Variants in GTPBP4 observed in about 807,000 individuals in gnomAD.
GTPBP4 encodes the protein GTP binding protein 4, also known as GTP-binding protein 4.
Under a neutral mutation model 81.7 loss-of-function variants are expected in GTPBP4, and 15 were observed. The observed-to-expected ratio is 0.18, with a 90% CI of 0.12 to 0.28. GTPBP4 has a LOEUF of 0.28. GTPBP4 is among the 10% of genes least tolerant of loss of function. The pLI, the probability that GTPBP4 is intolerant of heterozygous loss-of-function variation, is 1.00. For synonymous variants in GTPBP4, 272 were observed against 274.6 expected (o/e 0.99, Z 0.09); for missense variants, 847 against 793.8 (o/e 1.07, Z -0.81).
At chr10:1,016,125 G>A (rs1490616823) in intron 16 of GTPBP4, among the ~76,000 whole-genome samples, 5 of 152,200 alleles carry the variant, frequency 3.3e-5, no homozygotes, top group Non-Finnish European at 5.9e-5. Flanking sequence ...TTGCTTTTGC[G>A]GAGGGTGGCC....
At chr10:998,856 G>T (rs1831577608) in intron 5 of GTPBP4, 147 bp from the exon 6 acceptor site, 1 of 600,422 alleles carries the variant, frequency 1.7e-6, no homozygotes. Context: ...CAAAGGGAGA[G>T]GTACCAGGCT....
intron 15 of GTPBP4, among the ~76,000 whole-genome samples, chr10:1,015,047 G>GGA (rs1452997287): frequency 1.3e-5 from 2 of 152,218 alleles, no homozygotes; most frequent in Non-Finnish European, 2.9e-5. Flanking sequence ...GGGCAGTGAG[G>GGA]GAGAGAGCAT....
intron 13 of GTPBP4, 151 bp downstream of exon 13, chr10:1,010,671 C>G (rs1021245990): frequency 1.9e-5 from 13 of 673,310 alleles, no homozygotes; most frequent in South Asian, 3.2e-5. Flanking sequence ...ACTTCCCCAC[C>G]CTGAGACTCT....
At chr10:992,385 G>A (rs1293337954) in intron 1 of GTPBP4, 104 bp from the exon 2 acceptor site, 5 of 695,438 alleles carry the variant, frequency 7.2e-6, no homozygotes, top group Non-Finnish European at 1.2e-5. Context: ...GGGCGACAGA[G>A]CGAGACTCTG....
intron 8 of GTPBP4, among the ~76,000 whole-genome samples, chr10:1,002,085 A>T (rs1831644828): frequency 6.6e-6 from 1 of 151,878 alleles, no homozygotes; most frequent in Non-Finnish European, 1.5e-5. Flanking sequence ...CACCACACCG[A>T]GCTAATTTTT....
Position 1,019,897 on chromosome 10 carries a change from AT to A in GTPBP4, c.*2671del. 3.4e-6 allele frequency: 4 copies of A among 1,176,144 alleles called. No individual in the cohort carries two copies. Among genetic ancestry groups the A allele is most frequent in the African/African-American group, 1.5e-5 (1 of 65,104 alleles). The allele number at this position is 1,176,144 out of a possible 1,614,324, so 72.9% of individuals were successfully genotyped here. ...TGTAAAACACAGAATTTACAGAAAA[AT>A]AGAGAAAATAAACACATTTGTTTTC... is the stretch of plus-strand genomic sequence containing the variant. On this transcript the variant is annotated 3_prime_UTR_variant, in exon 17 of 17. Coordinates refer to ENST00000360803, the MANE Select transcript of GTPBP4 (RefSeq NM_012341.3).
Position 1,019,913 on chromosome 10 carries a change from C to A in GTPBP4, c.*2686C>A. 4 of 1,052,874 alleles carry A rather than the reference C, an allele frequency of 3.8e-6. No homozygotes were observed. Among genetic ancestry groups the A allele is most frequent in the Non-Finnish European group, 4.3e-6 (3 of 704,488 alleles). The allele number at this position is 1,052,874 out of a possible 1,614,324, so 65.2% of individuals were successfully genotyped here. ...TACAGAAAAATAGAGAAAATAAACA[C>A]ATTTGTTTTCCTCAGAAAATGAACA... On this transcript the variant is annotated 3_prime_UTR_variant, in exon 17 of 17. Coordinates refer to ENST00000360803, the MANE Select transcript of GTPBP4 (RefSeq NM_012341.3).
chr10:991,789 G>C lies in GTPBP4; in HGVS notation c.49-700G>C, dbSNP rs530296749. Among the ~76,000 whole-genome samples, 72 of 145,122 alleles carry C rather than the reference G, an allele frequency of 5.0e-4. No homozygotes were observed. The South Asian group carries it at 0.016, about 31-fold the overall frequency. On this transcript the variant is annotated intron_variant, in intron 1 of 16. Coordinates refer to ENST00000360803, the MANE Select transcript of GTPBP4 (RefSeq NM_012341.3). ...CGGCTCACTGCAAGCTCCGCCTCCC[G>C]GGTTCACGCCATTCTCCTGCCTCAG...
intron 11 of GTPBP4, 56 bp from the exon 12 acceptor site, chr10:1,009,473 A>G: frequency 8.8e-7 from 1 of 1,132,754 alleles, no homozygotes; most frequent in South Asian, 1.2e-5. Context: ...GGGGCAGAGC[A>G]TTTCTGGATC....
At chr10:1,005,123 C>T (rs1357427904) in intron 8 of GTPBP4, among the ~76,000 whole-genome samples, 3 of 151,994 alleles carry the variant, frequency 2.0e-5, no homozygotes, top group Non-Finnish European at 2.9e-5. Context: ...GCTGGCGGCC[C>T]AGTGTGTTTT....
At chr10:1,000,470 C>T (rs1276926520) in intron 6 of GTPBP4, among the ~76,000 whole-genome samples, 1 of 151,638 alleles carries the variant, frequency 6.6e-6, no homozygotes, top group Non-Finnish European at 1.5e-5. Context: ...ATCTCCTGAC[C>T]TCGTGATCCA....
rs1419260167 is a variant in GTPBP4, at chr10:1,019,735, T to C, written c.*2508T>C. ...TCCGGGTTCAGAGTGACGTTTTTCC[T>C]CACAAGCAGAAGGTAACAAATTTCA... On this transcript the variant is annotated 3_prime_UTR_variant, in exon 17 of 17. Coordinates refer to ENST00000360803, the MANE Select transcript of GTPBP4 (RefSeq NM_012341.3). 1 of 1,613,872 alleles carries C rather than the reference T, an allele frequency of 6.2e-7. No individual in the cohort carries two copies. Among genetic ancestry groups the C allele is most frequent in the Non-Finnish European group, 8.5e-7 (1 of 1,180,030 alleles).
intron 16 of GTPBP4, 103 bp downstream of exon 16, chr10:1,015,999 C>T (rs1831985885): frequency 9.3e-7 from 1 of 1,077,796 alleles, no homozygotes. Context: ...GGAACTATGG[C>T]AGGGGTTGTG....
At chr10:989,270 A>G (rs1189264957) in intron 1 of GTPBP4, among the ~76,000 whole-genome samples, 1 of 151,826 alleles carries the variant, frequency 6.6e-6, no homozygotes, top group African/African-American at 2.4e-5. Flanking sequence ...GTGCACCACC[A>G]CACCCAGCTA....
At position 996,157 on chromosome 10, in the gene GTPBP4, C is replaced by T. The variant is rs1194121446; in HGVS notation, c.375C>T (p.Arg125=). The stretch of plus-strand genomic sequence containing the variant: ...TGAAGTATGGCGACTCTCTCTACCG[C>T]TGCAAACAGCTGAAGCGTGCGGCCC... ...RLMKYGDSLY[R]CKQLKRAALG... Residue 125 remains arginine, a synonymous_variant, in exon 4 of 17, where the codon CGC becomes CGT. Coordinates refer to ENST00000360803, the MANE Select transcript of GTPBP4 (RefSeq NM_012341.3). 2 of 1,612,808 alleles carry T rather than the reference C, an allele frequency of 1.2e-6. No individual in the cohort carries two copies. Among genetic ancestry groups the T allele is most frequent in the East Asian group, 4.5e-5 (2 of 44,876 alleles).
intron 13 of GTPBP4, among the ~76,000 whole-genome samples, chr10:1,011,466 TG>T (rs1831870158): frequency 6.7e-6 from 1 of 150,168 alleles, no homozygotes; most frequent in Admixed American, 6.6e-5. Flanking sequence ...TCCTGCCTTC[TG>T]CTCTCAGCTG....
intron 6 of GTPBP4, among the ~76,000 whole-genome samples, chr10:999,965 A>C (rs547748659): frequency 1.3e-5 from 2 of 152,338 alleles, no homozygotes; most frequent in East Asian, 3.9e-4. Context: ...GTCTCAAAAA[A>C]AATAAATAAA....
intron 1 of GTPBP4, 73 bp from the exon 2 acceptor site, chr10:992,416 A>G (rs1589022165): frequency 6.7e-6 from 6 of 897,880 alleles, no homozygotes; most frequent in Non-Finnish European, 1.0e-5. Flanking sequence ...AAAAAAAAAA[A>G]GGAAGGTTTC....
Position 1,012,575 on chromosome 10 carries a change from G to A in GTPBP4, c.1455G>A (p.Lys485=). The A allele has an allele frequency of 6.2e-7, 1 of 1,613,976 alleles. No individual in the cohort carries two copies. Among genetic ancestry groups the A allele is most frequent in the Non-Finnish European group, 8.5e-7 (1 of 1,179,856 alleles). ...EEMLEIRQLA[K]QIREKKKLKI... The stretch of plus-strand genomic sequence containing the variant: ...TGCTGGAAATCCGACAGCTGGCAAA[G>A]CAAATTCGAGAGAAAAAGAAGTTGA... Residue 485 remains lysine, a synonymous_variant, in exon 14 of 17, where the codon AAG becomes AAA. Transcript: ENST00000360803.
Sources: allele counts gnomAD v4.1 joint callset (sites outside exome capture counted in the v4.1 genomes callset), GRCh38; gene constraint gnomAD v4.1.1; transcripts MANE v1.5; gene names NCBI Gene and HGNC (gene_info 2026-07-23, HGNC 2026-07-21).